Variants in OS9 observed in about 807,000 individuals in gnomAD.
OS9 encodes the protein protein OS-9.
OS9 carries 58 observed loss-of-function variants against 84.7 expected under a neutral mutation model. That is an observed-to-expected ratio of 0.68 (90% confidence interval 0.55 to 0.85). The LOEUF (loss-of-function observed/expected upper bound fraction) is 0.85. Ranked by LOEUF, OS9 falls within the 40% of genes least tolerant of loss-of-function variation. OS9 has a pLI of 0.00. For missense variants in OS9, 760 were observed against 850.9 expected (o/e 0.89, Z 1.33); for synonymous variants, 278 against 320.8 (o/e 0.87, Z 1.43).
At chr12:57,713,543 G>A (rs904353216) in intron 5 of OS9, among the ~76,000 whole-genome samples, 1 of 152,090 alleles carries the variant, frequency 6.6e-6, no homozygotes, top group African/African-American at 2.4e-5. Context: ...CCTGTGGGTG[G>A]GGCTGAGTGG....
chr12:57,708,264 A>G (rs1323744878), intron 5 of OS9, among the ~76,000 whole-genome samples: 1 of 124,316 alleles, frequency 8.0e-6, no homozygotes, highest in Non-Finnish European at 1.9e-5. Flanking sequence ...TAATTTCTTT[A>G]TATACTCTGA....
At chr12:57,704,939 T>C (rs144119446) in intron 5 of OS9, among the ~76,000 whole-genome samples, 378 of 152,338 alleles carry the variant, frequency 2.5e-3, no homozygotes, top group Non-Finnish European at 4.4e-3. Context: ...TCTTAATGTA[T>C]GTTATAAGGT....
intron 2 of OS9, 151 bp from the exon 3 acceptor site, chr12:57,695,629 G>A (rs1953804419): frequency 1.4e-6 from 1 of 722,968 alleles, no homozygotes; most frequent in Non-Finnish European, 2.6e-6. Context: ...CCTCCTTACT[G>A]AAAGTCTGGA....
chr12:57,703,723 G>T (rs1954088346), intron 5 of OS9, among the ~76,000 whole-genome samples: 1 of 151,580 alleles, frequency 6.6e-6, no homozygotes, highest in East Asian at 1.9e-4. Flanking sequence ...TATTGTTATG[G>T]ATATTTGGGA....
At chr12:57,717,750 A>G (rs1025842740) in intron 9 of OS9, 120 bp from the exon 10 acceptor site, 79 of 690,606 alleles carry the variant, frequency 1.1e-4, no homozygotes, top group Non-Finnish European at 1.5e-4. Flanking sequence ...CAGAGATTGC[A>G]CCACTGTGCT....
Position 57,716,707 on chromosome 12 carries a change from C to T in OS9, c.1008C>T (p.Ser336=), listed in dbSNP as rs777752991. 1.2e-6 allele frequency: 2 copies of T among 1,613,906 alleles called. No homozygotes were observed. Among genetic ancestry groups the T allele is most frequent in the Admixed American group, 3.3e-5 (2 of 60,030 alleles). ...CTCCTCGTCAGGAGCAGGACCCAAG[C>T]CCTGAGGCAGCAGATTCAGCTTCTG... ...EEVPAEEQDP[S]PEAADSASGA... Residue 336 remains serine (S), a synonymous_variant, in exon 9 of 15, where the codon AGC becomes AGT. Transcript: ENST00000315970.
In OS9 at chr12:57,720,860, G is replaced by A; in HGVS notation, c.1955G>A (p.Gly652Asp). The A allele has an allele frequency of 6.2e-7, 1 of 1,614,118 alleles. No individual in the cohort carries two copies. Among genetic ancestry groups the A allele is most frequent in the Non-Finnish European group, 8.5e-7 (1 of 1,179,956 alleles). ...GAGAGCAATTACCGCCGGGTGTGGG[G>A]CTCTCCAGGTGGGGAGGGCACAGGG... is the stretch of plus-strand genomic sequence containing the variant. ...ELESNYRRVW[G>D]SPGGEGTGDL... Residue 652 changes from glycine (G) to aspartate (D), a missense_variant, in exon 15 of 15, where the codon GGC (glycine) becomes GAC (aspartate). Transcript: ENST00000315970.
intron 5 of OS9, 66 bp downstream of exon 5, chr12:57,696,439 T>C: frequency 2.9e-6 from 1 of 344,672 alleles, no homozygotes; most frequent in East Asian, 9.8e-5. Flanking sequence ...GGAAGAGGGT[T>C]GCATCTTATA....
chr12:57,707,929 G>GAA (rs75903865), intron 5 of OS9, among the ~76,000 whole-genome samples: 67 of 141,754 alleles, frequency 4.7e-4, no homozygotes, highest in African/African-American at 9.9e-4. Context: ...TGTCTCTATG[G>GAA]AAAAAAAAAA....
chr12:57,696,071 T>C, intron 4 of OS9, 33 bp downstream of exon 4: 1 of 1,519,164 alleles, frequency 6.6e-7, no homozygotes, highest in Non-Finnish European at 9.1e-7. Flanking sequence ...GAAGAAAGGG[T>C]TCTGGCCACC....
intron 10 of OS9, 90 bp downstream of exon 10, chr12:57,718,048 T>TCCC: frequency 2.0e-6 from 3 of 1,522,274 alleles, no homozygotes; most frequent in Non-Finnish European, 2.7e-6. Flanking sequence ...AACTCCTGGG[T>TCCC]CCCCCAGTAC....
Position 57,720,942 on chromosome 12 carries a change from C to T in OS9, c.*33C>T. The T allele has an allele frequency of 6.2e-7, 1 of 1,613,322 alleles. No homozygotes were observed. Among genetic ancestry groups the T allele is most frequent in the Non-Finnish European group, 8.5e-7 (1 of 1,179,518 alleles). On this transcript the variant is annotated 3_prime_UTR_variant, in exon 15 of 15. Coordinates refer to ENST00000315970, the MANE Select transcript of OS9 (RefSeq NM_006812.4). The stretch of plus-strand genomic sequence containing the variant: ...ACTACACTTGACCCTTCACGGAATC[C>T]AGACTCTTCCTGGACTGGCTTGCCT...
intron 13 of OS9, 64 bp from the exon 14 acceptor site, chr12:57,720,342 G>A: frequency 1.2e-6 from 2 of 1,602,874 alleles, no homozygotes; most frequent in Non-Finnish European, 1.7e-6. Context: ...GACCAGTGGG[G>A]CAGGGGGCCT....
intron 5 of OS9, among the ~76,000 whole-genome samples, chr12:57,701,439 T>C (rs149031030): frequency 0.028 from 4,239 of 151,096 alleles, 155 homozygotes; most frequent in African/African-American, 0.084. Context: ...CCACGCCCAG[T>C]TAATTTTTAT....
In OS9 at chr12:57,720,922, A is replaced by G; in HGVS notation, c.*13A>G. On this transcript the variant is annotated 3_prime_UTR_variant, in exon 15 of 15. Transcript: ENST00000315970. The stretch of plus-strand genomic sequence containing the variant: ...ATTTGACTTCTGAGACCAACACTAC[A>G]CTTGACCCTTCACGGAATCCAGACT... The G allele has an allele frequency of 6.2e-7, 1 of 1,613,704 alleles. No homozygotes were observed. Among genetic ancestry groups the G allele is most frequent in the Non-Finnish European group, 8.5e-7 (1 of 1,179,794 alleles).
chr12:57,719,995 A>G, intron 12 of OS9, 104 bp from the exon 13 acceptor site: 1 of 1,037,574 alleles, frequency 9.6e-7, no homozygotes, highest in Non-Finnish European at 1.4e-6. Context: ...GAGATGGAAG[A>G]GCTGCCAAAG....
intron 5 of OS9, among the ~76,000 whole-genome samples, chr12:57,710,440 A>T (rs967907842): frequency 2.0e-5 from 3 of 152,132 alleles, no homozygotes; most frequent in African/African-American, 4.8e-5. Flanking sequence ...TTTTCAAAGA[A>T]ACAATTTTTG....
chr12:57,715,031 T>C (rs911516008), intron 5 of OS9, among the ~76,000 whole-genome samples: 1 of 152,188 alleles, frequency 6.6e-6, no homozygotes, highest in Non-Finnish European at 1.5e-5. Flanking sequence ...TGCACATATA[T>C]AAAAATTACA....
chr12:57,715,951 CT>C lies in OS9; in HGVS notation c.772del (p.Tyr258ThrfsTer16). The C allele has an allele frequency of 6.2e-7, 1 of 1,612,300 alleles. No homozygotes were observed. Among genetic ancestry groups the C allele is most frequent in the Non-Finnish European group, 8.5e-7 (1 of 1,179,046 alleles). On this transcript the variant is annotated frameshift_variant, in exon 6 of 15. Coordinates refer to ENST00000315970, the MANE Select transcript of OS9 (RefSeq NM_006812.4). LOFTEE classifies it high-confidence loss of function. ...PSLQPEEYMA[Y>X]VQRQADSKQY... is the part of the protein sequence containing the mutation. The stretch of plus-strand genomic sequence containing the variant: ...CCCTACAGCCTGAGGAGTACATGGC[CT>C]ACGTTCAGAGGCAAGCCGGTGAGTA...
Sources: gnomAD v4.1 joint callset for allele counts (sites outside exome capture counted in the v4.1 genomes callset) on GRCh38, gnomAD v4.1.1 for gene constraint, MANE v1.5 for transcripts, NCBI Gene and HGNC (gene_info 2026-07-23, HGNC 2026-07-21) for gene names.